The following MCM2 variants were observed in gnomAD, a reference collection of about 807,000 sequenced individuals.
The protein encoded by MCM2 is minichromosome maintenance complex component 2.
MCM2 carries 49 observed loss-of-function variants against 86.4 expected under a neutral mutation model. That is an observed-to-expected ratio of 0.57 (90% CI 0.45 to 0.72). The LOEUF is 0.72. MCM2 is among the 30% of genes least tolerant of loss of function. The pLI is 0.00. For synonymous variants in MCM2, 475 were observed against 484.6 expected, an observed-to-expected ratio of 0.98 and a Z score of 0.26; for missense variants, 1,038 against 1,259.9, an observed-to-expected ratio of 0.82 and a Z score of 2.67.
chr3:127,615,786 C>A, intron 8 of MCM2, 76 bp from the exon 9 acceptor site: 1 of 1,072,112 alleles, frequency 9.3e-7, no homozygotes, highest in South Asian at 1.3e-5. Context: ...TCGTGGTTCC[C>A]TGATGCCAGA....
In MCM2 at chr3:127,622,281, C is replaced by T. The variant is rs562078457; in HGVS notation, c.*508C>T. 1 of 152,884 alleles carries T rather than the reference C, an allele frequency of 6.5e-6. No homozygotes were observed. The highest frequency in any genetic ancestry group is 2.1e-4 in the South Asian group (1 of 4,856). The allele number at this position is 152,884 out of a possible 1,614,324, so 9.5% of individuals were successfully genotyped here. On this transcript the variant is annotated 3_prime_UTR_variant, in exon 16 of 16. Coordinates refer to ENST00000265056, the MANE Select transcript of MCM2 (RefSeq NM_004526.4). ...CAGTGCCAGCGCAGCGTTCTGGGCT[C>T]CTCAGTCGCAGGGGTGGGATGTGAG... is the stretch of plus-strand genomic sequence containing the variant.
chr3:127,608,759 A>G (rs2074369776), intron 7 of MCM2, 73 bp from the exon 8 acceptor site: 1 of 1,487,332 alleles, frequency 6.7e-7, no homozygotes, highest in Non-Finnish European at 9.3e-7. Flanking sequence ...AATAGGAGAA[A>G]CTGGAGGAAG....
In MCM2 at chr3:127,599,277, C is replaced by G. The variant is rs753685072; in HGVS notation, c.7-41C>G. Reference sequence around the variant, plus strand: ...AAAAAGGAAGCTGTATCATGCCTCACCAGCTTCCTAGGTTTCTGACAACCG... The same window carrying G: ...AAAAAGGAAGCTGTATCATGCCTCAGCAGCTTCCTAGGTTTCTGACAACCG... On this transcript the variant is annotated intron_variant, in intron 1 of 15. Transcript: ENST00000265056. The G allele has an allele frequency of 1.2e-5, 19 of 1,563,224 alleles. No individual in the cohort carries two copies. In the African/African-American group the frequency reaches 2.6e-4, roughly 21 times the overall value.
intron 6 of MCM2, among the ~76,000 whole-genome samples, chr3:127,607,598 C>CT (rs1429624720): frequency 3.3e-5 from 5 of 152,246 alleles, no homozygotes; most frequent in Admixed American, 2.0e-4. Flanking sequence ...TTTGCTCACT[C>CT]TTCCCATGCC....
intron 8 of MCM2, chr3:127,610,958 C>T: frequency 4.4e-6 from 2 of 456,638 alleles, no homozygotes; most frequent in Non-Finnish European, 8.8e-6. Context: ...TGGAAGACCT[C>T]CTAGGGCCAA....
In MCM2 at chr3:127,606,487, T is replaced by TGG. The variant is rs879032931; in HGVS notation, c.894-121_894-120dup. The TGG allele has an allele frequency of 3.0e-5, 36 of 1,184,364 alleles. No homozygotes were observed. The South Asian group carries it at 4.9e-4, about 16-fold the overall frequency. 73.4% of individuals were successfully genotyped at this position (1,184,364 alleles called of 1,614,324 possible). A position where few individuals can be genotyped will look rare whatever the true frequency, so the allele number is the denominator to read the frequency against. On this transcript the variant is annotated intron_variant, in intron 5 of 15. Coordinates refer to ENST00000265056, the MANE Select transcript of MCM2 (RefSeq NM_004526.4). The surrounding 1 kb of genome is among the most constrained non-coding windows in gnomAD (Gnocchi z 4.2). Reference sequence around the variant, plus strand: ...GAGTTGTGGTTGCACAGGAGTGTGATGGGAGGGATCTTCCCGGGCTGGGGG... The same window carrying TGG: ...GAGTTGTGGTTGCACAGGAGTGTGATGGGGGAGGGATCTTCCCGGGCTGGGGG...
intron 1 of MCM2, 44 bp from the exon 2 acceptor site, chr3:127,599,274 T>C (rs1196285321): frequency 6.5e-7 from 1 of 1,549,682 alleles, no homozygotes; most frequent in African/African-American, 1.4e-5. Flanking sequence ...GTATCATGCC[T>C]CACCAGCTTC....
chr3:127,618,066 C>G lies in MCM2; in HGVS notation c.1998C>G (p.Thr666=), dbSNP rs111530425. 1.9e-6 allele frequency: 3 copies of G among 1,613,882 alleles called. No individual in the cohort carries two copies. The Admixed American group carries it at 5.0e-5, about 27-fold the overall frequency. Residue 666 remains threonine (T), a synonymous_variant, in exon 12 of 16, where the codon ACC becomes ACG. Coordinates refer to ENST00000265056, the MANE Select transcript of MCM2 (RefSeq NM_004526.4). The surrounding 1 kb of genome is among the most constrained non-coding windows in gnomAD (Gnocchi z 4.0). ...RFDILCVVRD[T]VDPVQDEMLA... ...ACATCCTGTGTGTGGTGAGGGACAC[C>G]GTGGACCCAGTCCAGGTATAGCTCA...
At chr3:127,602,223 A>T (rs1331878993) in intron 2 of MCM2, among the ~76,000 whole-genome samples, 17 of 133,146 alleles carry the variant, frequency 1.3e-4, no homozygotes, top group African/African-American at 4.4e-4. Flanking sequence ...ATTTTGTGTG[A>T]CTTGAGATCC....
intron 8 of MCM2, among the ~76,000 whole-genome samples, chr3:127,615,237 T>C (rs781038067): frequency 6.6e-6 from 1 of 152,216 alleles, no homozygotes; most frequent in Non-Finnish European, 1.5e-5. Flanking sequence ...CAGGTGGAGT[T>C]GGAAGCAGTC....
At chr3:127,611,082 A>G (rs1026457775) in intron 8 of MCM2, 1 of 412,454 alleles carries the variant, frequency 2.4e-6, no homozygotes, top group Middle Eastern at 3.9e-4. Context: ...GTAGTTTTAC[A>G]TGCGAGGAAG....
At chr3:127,614,879 A>G (rs2074422103) in intron 8 of MCM2, among the ~76,000 whole-genome samples, 1 of 152,158 alleles carries the variant, frequency 6.6e-6, no homozygotes, top group Admixed American at 6.5e-5. Flanking sequence ...TTTCTGGTAG[A>G]AGATATTGCA....
intron 14 of MCM2, 52 bp from the exon 15 acceptor site, chr3:127,621,021 G>A (rs1050004107): frequency 2.5e-6 from 4 of 1,604,046 alleles, no homozygotes; most frequent in African/African-American, 1.3e-5. Context: ...GGTAAAGGGA[G>A]TGTGGCAGGC....
chr3:127,610,785 T>G (rs773527815), intron 8 of MCM2: 1 of 456,700 alleles, frequency 2.2e-6, no homozygotes, highest in Non-Finnish European at 4.4e-6. Flanking sequence ...TCAGGAAAGC[T>G]CCAGAAATGC....
chr3:127,605,237 A>G, intron 4 of MCM2, 81 bp downstream of exon 4: 7 of 1,546,976 alleles, frequency 4.5e-6, no homozygotes, highest in Non-Finnish European at 6.2e-6. Flanking sequence ...AGCCGAGTGA[A>G]CACGTGAAGC....
intron 2 of MCM2, chr3:127,604,365 T>C (rs1452723395): frequency 2.0e-6 from 1 of 492,376 alleles, no homozygotes; most frequent in Non-Finnish European, 3.6e-6. Context: ...TTCATCCATG[T>C]GCCAGCACGT....
Position 127,608,407 on chromosome 3 carries a change from T to C in MCM2, c.1127T>C (p.Ile376Thr). 6.2e-7 allele frequency: 1 copy of C among 1,614,224 alleles called. No individual in the cohort carries two copies. ...ACCATCTATCAGAACTACCAGCGTATCCGAATCCAGGAGAGTCCAGGCAAA... is the reference window on the plus strand; with the variant it reads ...ACCATCTATCAGAACTACCAGCGTACCCGAATCCAGGAGAGTCCAGGCAAA... The part of the protein sequence containing the change: ...EETIYQNYQR[I>T]RIQESPGKVA... Residue 376 changes from isoleucine (I) to threonine (T), a missense_variant, in exon 7 of 16, where the codon ATC becomes ACC. Physicochemically the swap from Ile to Thr is moderately conservative, Grantham distance 89 (BLOSUM62 -1). Around this residue, in one of 4 missense-constraint regions of MCM2, gnomAD observed 399 missense variants for 507.2 expected, o/e 0.79. Transcript: ENST00000265056.
intron 8 of MCM2, among the ~76,000 whole-genome samples, chr3:127,609,376 G>A (rs1269492403): frequency 6.6e-6 from 1 of 152,200 alleles, no homozygotes; most frequent in African/African-American, 2.4e-5. Context: ...TTGGAACAGA[G>A]GCAGGGCAAT....
rs773717696 is a variant in MCM2 at position 127,606,370 on chromosome 3, G to A, written c.893+33G>A. 1.7e-5 allele frequency: 28 copies of A among 1,604,186 alleles called. No homozygotes were observed. The highest frequency in any genetic ancestry group is 4.4e-5 in the South Asian group (4 of 90,852). On this transcript the variant is annotated intron_variant, in intron 5 of 15. Transcript: ENST00000265056. The surrounding 1 kb of genome is among the most constrained non-coding windows in gnomAD (Gnocchi z 4.2). ...GAGGGCAGGTGAGGATGGCAGGTCC[G>A]AGCTCAGTGCTGGGTGACTCGGTCG...
Sources: allele counts gnomAD v4.1 joint callset (sites outside exome capture counted in the v4.1 genomes callset), GRCh38; gene constraint gnomAD v4.1.1; regional missense constraint gnomAD v4.1.1; non-coding constraint Gnocchi (gnomAD v3.1); transcripts MANE v1.5; gene names NCBI Gene and HGNC (gene_info 2026-07-23, HGNC 2026-07-21).